OTOGL: variants seen among roughly 807,000 people sequenced by gnomAD.
OTOGL encodes otogelin like.
OTOGL carries 285 observed loss-of-function variants against 318.5 expected under a neutral mutation model. The observed-to-expected ratio is 0.89, with a 90% CI of 0.81 to 0.99. OTOGL has a LOEUF of 0.99. Among genes scored for constraint, OTOGL ranks in the 50% least tolerant of loss-of-function variants. The pLI is 0.00. For missense variants in OTOGL, 2,899 were observed against 2,845.6 expected (o/e 1.02, Z -0.43); for synonymous variants, 987 against 936.5 (o/e 1.05, Z -0.99).
chr12:80,118,662 G>GT (rs919683550), intron 1 of OTOGL, among the ~76,000 whole-genome samples: 4 of 152,092 alleles, frequency 2.6e-5, no homozygotes, highest in African/African-American at 9.7e-5. Context: ...TTTGGGTGGA[G>GT]TTTTTTTCCT....
At chr12:80,116,754 T>G (rs1341388877) in intron 1 of OTOGL, among the ~76,000 whole-genome samples, 1 of 152,172 alleles carries the variant, frequency 6.6e-6, no homozygotes, top group African/African-American at 2.4e-5. Context: ...TTTTACCACC[T>G]GGTATCAAAT....
intron 1 of OTOGL, among the ~76,000 whole-genome samples, chr12:80,173,897 G>C (rs143187374): frequency 4.0e-4 from 61 of 152,156 alleles, no homozygotes; most frequent in Non-Finnish European, 6.8e-4. Flanking sequence ...GTCAGAAAGC[G>C]TCAGTATGCT....
chr12:80,128,117 T>A (rs972221876), intron 1 of OTOGL, among the ~76,000 whole-genome samples: 1 of 152,240 alleles, frequency 6.6e-6, no homozygotes, highest in Admixed American at 6.5e-5. Flanking sequence ...AGAGGAGCTC[T>A]GATTTTTAGA....
chr12:80,119,378 C>T (rs780767803), intron 1 of OTOGL, among the ~76,000 whole-genome samples: 1 of 152,178 alleles, frequency 6.6e-6, no homozygotes, highest in Admixed American at 6.5e-5. Flanking sequence ...GGTCTCCTTG[C>T]CCCTAAATTC....
intron 1 of OTOGL, among the ~76,000 whole-genome samples, chr12:80,203,905 G>A (rs1041062792): frequency 3.9e-5 from 6 of 152,132 alleles, no homozygotes; most frequent in Admixed American, 2.6e-4. Context: ...TAATAGGTTC[G>A]CTAGGTAATT....
chr12:80,358,923 A>G (rs1339025219), intron 52 of OTOGL, 23 bp downstream of exon 52: 5 of 1,441,066 alleles, frequency 3.5e-6, no homozygotes, highest in Non-Finnish European at 4.7e-6. Context: ...ATTTTGATTG[A>G]CTTGTCATAT....
intron 1 of OTOGL, among the ~76,000 whole-genome samples, chr12:80,101,908 TAATC>T (rs991410296): frequency 6.6e-6 from 1 of 152,236 alleles, no homozygotes; most frequent in African/African-American, 2.4e-5. Context: ...GCTCCAATAT[TAATC>T]TGTTCCATTT....
intron 26 of OTOGL, among the ~76,000 whole-genome samples, chr12:80,286,594 A>G (rs1373498470): frequency 6.6e-6 from 1 of 152,160 alleles, no homozygotes; most frequent in Non-Finnish European, 1.5e-5. Context: ...TTCCTGCCTT[A>G]GTCTTGGGAG....
chr12:80,239,407 A>G lies in OTOGL; in HGVS notation c.1020A>G (p.Leu340=), dbSNP rs572840336. The change falls in exon 11 of 59, where the codon TTA becomes TTG. Residue 340 remains leucine, a synonymous_variant. Coordinates refer to ENST00000547103, the MANE Select transcript of OTOGL (RefSeq NM_001378609.3). Reference sequence around the variant, plus strand: ...GCCATGAGTATATCGATCCATACTTATATATTGCCAGCTGTGTTAATGATC... The same window carrying G: ...GCCATGAGTATATCGATCCATACTTGTATATTGCCAGCTGTGTTAATGATC... The part of the protein sequence containing the change: ...LSCHEYIDPY[L]YIASCVNDLC... 12 of 1,604,712 alleles carry G rather than the reference A, an allele frequency of 7.5e-6. No individual in the cohort carries two copies. In the South Asian group the frequency reaches 1.3e-4, roughly 18 times the overall value.
chr12:80,121,690 T>C (rs1023753464), intron 1 of OTOGL, among the ~76,000 whole-genome samples: 7 of 152,226 alleles, frequency 4.6e-5, no homozygotes, highest in African/African-American at 1.4e-4. Flanking sequence ...ATCATGTAGA[T>C]TGTCTAAAAT....
chr12:80,209,704 CTT>C (rs1565900878), intron 2 of OTOGL, among the ~76,000 whole-genome samples, 194 bp downstream of exon 2: 1 of 151,992 alleles, frequency 6.6e-6, no homozygotes, highest in Non-Finnish European at 1.5e-5. Flanking sequence ...TTTTTTGACT[CTT>C]TGCAAAATGG....
chr12:80,199,596 T>A (rs1313088642), intron 1 of OTOGL, among the ~76,000 whole-genome samples: 1 of 152,176 alleles, frequency 6.6e-6, no homozygotes, highest in Non-Finnish European at 1.5e-5. Context: ...TTGTATAGAA[T>A]TCATACCATC....
At chr12:80,210,933 G>C in intron 3 of OTOGL, 47 bp downstream of exon 3, 2 of 1,314,466 alleles carry the variant, frequency 1.5e-6, no homozygotes, top group Non-Finnish European at 2.0e-6. Flanking sequence ...AAAGTTAATG[G>C]GAATGAGCAA....
chr12:80,341,036 GA>G (rs1215924684), intron 43 of OTOGL, among the ~76,000 whole-genome samples: 1 of 151,212 alleles, frequency 6.6e-6, no homozygotes, highest in East Asian at 1.9e-4. Context: ...ATCTCCTTGG[GA>G]ATTAAGATTT....
At chr12:80,213,449 C>G (rs977627561) in intron 4 of OTOGL, among the ~76,000 whole-genome samples, 1 of 152,084 alleles carries the variant, frequency 6.6e-6, no homozygotes, top group African/African-American at 2.4e-5. Flanking sequence ...CATCCTGTGA[C>G]GAAGAATGCC....
chr12:80,377,281 A>T, intron 58 of OTOGL, 79 bp downstream of exon 58: 2 of 1,080,236 alleles, frequency 1.9e-6, no homozygotes, highest in Non-Finnish European at 2.7e-6. Context: ...AGAAGTTTGT[A>T]AGCCAACAAA....
chr12:80,176,004 CT>C (rs1444113841), intron 1 of OTOGL, among the ~76,000 whole-genome samples: 1 of 152,178 alleles, frequency 6.6e-6, no homozygotes, highest in Non-Finnish European at 1.5e-5. Context: ...TCACTAACTA[CT>C]CTTCGTTAAA....
intron 1 of OTOGL, among the ~76,000 whole-genome samples, chr12:80,189,163 G>A (rs1030972536): frequency 1.3e-5 from 2 of 152,144 alleles, no homozygotes; most frequent in African/African-American, 4.8e-5. Flanking sequence ...GATTAATAGA[G>A]TTTGGAAGAA....
At chr12:80,308,570 C>T (rs1258184934) in intron 29 of OTOGL, among the ~76,000 whole-genome samples, 132 of 152,256 alleles carry the variant, frequency 8.7e-4, no homozygotes, top group African/African-American at 2.8e-3. Flanking sequence ...GGGGTGGCGG[C>T]CGGGCAGAGG....
Sources: gnomAD v4.1 joint callset for allele counts (sites outside exome capture counted in the v4.1 genomes callset) on GRCh38, gnomAD v4.1.1 for gene constraint, MANE v1.5 for transcripts, NCBI Gene and HGNC (gene_info 2026-07-23, HGNC 2026-07-21) for gene names.